The following GPR158 variants were observed in gnomAD, a reference collection of about 807,000 sequenced individuals.
GPR158 encodes G protein-coupled receptor 158, also known as metabotropic glycine receptor.
GPR158 carries 30 observed loss-of-function variants against 78.2 expected under a neutral mutation model. That is an observed-to-expected ratio of 0.38 (90% confidence interval 0.29 to 0.52). GPR158 has a LOEUF of 0.52. Ranked by LOEUF, GPR158 falls within the 20% of genes least tolerant of loss-of-function variation. The pLI is 0.83. For missense variants in GPR158, 1,463 were observed against 1,523.5 expected, an observed-to-expected ratio of 0.96 and a Z score of 0.66; for synonymous variants, 581 against 591.1, an observed-to-expected ratio of 0.98 and a Z score of 0.25.
At chr10:25,342,401 T>C (rs973331444) in intron 2 of GPR158, among the ~76,000 whole-genome samples, 12 of 152,004 alleles carry the variant, frequency 7.9e-5, no homozygotes, top group Non-Finnish European at 1.8e-4. Flanking sequence ...ATACCTGTTT[T>C]TCTTATTCTT....
At chr10:25,399,434 G>T (rs778001908) in intron 3 of GPR158, among the ~76,000 whole-genome samples, 4 of 152,138 alleles carry the variant, frequency 2.6e-5, no homozygotes, top group Non-Finnish European at 4.4e-5. Context: ...AACTGCATTT[G>T]TGAGGGATCT....
At chr10:25,286,200 T>C (rs569736998) in intron 2 of GPR158, among the ~76,000 whole-genome samples, 1 of 152,256 alleles carries the variant, frequency 6.6e-6, no homozygotes, top group South Asian at 2.1e-4. Context: ...GTTTTGTGTT[T>C]TTTATTAAAT....
chr10:25,215,912 A>G (rs1853206046), intron 1 of GPR158, among the ~76,000 whole-genome samples: 1 of 152,190 alleles, frequency 6.6e-6, no homozygotes, highest in Admixed American at 6.5e-5. Flanking sequence ...GGCAGCTAGC[A>G]TTTGTCTAGA....
intron 2 of GPR158, among the ~76,000 whole-genome samples, chr10:25,251,827 G>A (rs1278736244): frequency 1.6e-4 from 24 of 149,856 alleles, no homozygotes; most frequent in African/African-American, 2.0e-4. Context: ...TCTTTGTGGC[G>A]TTCTCTGTAT....
At chr10:25,180,901 TAAAGG>T (rs1852604205) in intron 1 of GPR158, among the ~76,000 whole-genome samples, 1 of 151,566 alleles carries the variant, frequency 6.6e-6, no homozygotes, top group African/African-American at 2.4e-5. Context: ...AATAGGGAGA[TAAAGG>T]AAAGATCACA....
chr10:25,302,238 ATTTTT>A lies in GPR158; in HGVS notation c.1008+81096_1008+81100del, dbSNP rs58156960. 5.7e-3 allele frequency among the ~76,000 whole-genome samples: 765 copies of A among 133,970 alleles called. 13 individuals carry two copies. Among genetic ancestry groups the A allele is most frequent in the African/African-American group, 0.019 (708 of 37,656 alleles). The allele number at this position is 133,970 out of a possible 152,430, so 87.9% of individuals were successfully genotyped here. A position where few individuals can be genotyped will look rare whatever the true frequency, so the allele number is the denominator to read the frequency against. On this transcript the variant is annotated intron_variant, in intron 2 of 10. Coordinates refer to ENST00000376351, the MANE Select transcript of GPR158 (RefSeq NM_020752.3). The stretch of plus-strand genomic sequence containing the variant: ...AGGTGCCTGCCACCATGCCTGGCTA[ATTTTT>A]TTTTTTTTTTTTTTGTATTTTTAGT...
chr10:25,382,318 C>A (rs1834165879), intron 2 of GPR158, among the ~76,000 whole-genome samples: 1 of 152,162 alleles, frequency 6.6e-6, no homozygotes, highest in Non-Finnish European at 1.5e-5. Flanking sequence ...AGTCTGCAGA[C>A]TTGTAATGTG....
At chr10:25,543,975 A>T (rs1836625163) in intron 5 of GPR158, among the ~76,000 whole-genome samples, 1 of 152,148 alleles carries the variant, frequency 6.6e-6, no homozygotes, top group Non-Finnish European at 1.5e-5. Flanking sequence ...ACCTCTAGGC[A>T]AATTATAGTG....
intron 4 of GPR158, among the ~76,000 whole-genome samples, chr10:25,449,495 A>T (rs1451827960): frequency 6.6e-6 from 1 of 152,202 alleles, no homozygotes; most frequent in African/African-American, 2.4e-5. Context: ...CTCATGAAGT[A>T]CCGTGTGCAG....
intron 5 of GPR158, among the ~76,000 whole-genome samples, chr10:25,478,749 C>G (rs1175189602): frequency 6.6e-6 from 1 of 151,240 alleles, no homozygotes; most frequent in Admixed American, 6.6e-5. Flanking sequence ...CACCCATTAA[C>G]TCGTCATTTA....
At chr10:25,250,826 G>A (rs1588758412) in intron 2 of GPR158, among the ~76,000 whole-genome samples, 1 of 150,578 alleles carries the variant, frequency 6.6e-6, no homozygotes, top group Non-Finnish European at 1.5e-5. Context: ...ATGTCTATTA[G>A]GTCCGCTTGG....
intron 7 of GPR158, among the ~76,000 whole-genome samples, chr10:25,588,606 C>A (rs905788786): frequency 1.1e-4 from 16 of 152,204 alleles, no homozygotes; most frequent in Admixed American, 9.8e-4. Flanking sequence ...TGCATATAAA[C>A]ATGTTCTAAA....
chr10:25,444,438 GTGT>G (rs1241734299), intron 4 of GPR158, among the ~76,000 whole-genome samples: 2 of 151,276 alleles, frequency 1.3e-5, no homozygotes, highest in Non-Finnish European at 3.0e-5. Context: ...TGTGTATGTG[GTGT>G]TTGAGTGTGA....
intron 2 of GPR158, among the ~76,000 whole-genome samples, chr10:25,376,630 T>C (rs939342497): frequency 6.6e-6 from 1 of 151,734 alleles, no homozygotes; most frequent in African/African-American, 2.4e-5. Flanking sequence ...TCTGGGATCA[T>C]TTTCTCTCTG....
chr10:25,472,007 T>A (rs1835512883), intron 5 of GPR158, among the ~76,000 whole-genome samples: 1 of 152,206 alleles, frequency 6.6e-6, no homozygotes, highest in East Asian at 1.9e-4. Context: ...TTGCCATTGC[T>A]TTTGGTGTTG....
At chr10:25,311,719 T>C (rs1299108671) in intron 2 of GPR158, among the ~76,000 whole-genome samples, 1 of 152,038 alleles carries the variant, frequency 6.6e-6, no homozygotes, top group Non-Finnish European at 1.5e-5. Flanking sequence ...TTTGATTATG[T>C]GAGGTATACC....
intron 2 of GPR158, among the ~76,000 whole-genome samples, chr10:25,246,953 A>T (rs554565401): frequency 1.3e-5 from 2 of 152,314 alleles, no homozygotes; most frequent in East Asian, 3.9e-4. Flanking sequence ...TATTAATCTA[A>T]ATTAACAGAT....
At chr10:25,487,256 C>G (rs886800228) in intron 5 of GPR158, among the ~76,000 whole-genome samples, 1 of 152,028 alleles carries the variant, frequency 6.6e-6, no homozygotes, top group Non-Finnish European at 1.5e-5. Context: ...TATAAGCAGC[C>G]TACAAGACAA....
At chr10:25,446,303 G>T (rs1835137881) in intron 4 of GPR158, among the ~76,000 whole-genome samples, 2 of 152,136 alleles carry the variant, frequency 1.3e-5, no homozygotes, top group African/African-American at 4.8e-5. Flanking sequence ...AGCTCTCTGT[G>T]AGTCAGGAAG....
Sources: allele counts gnomAD v4.1 joint callset (sites outside exome capture counted in the v4.1 genomes callset), GRCh38; gene constraint gnomAD v4.1.1; transcripts MANE v1.5; gene names NCBI Gene and HGNC (gene_info 2026-07-23, HGNC 2026-07-21).